Variants in SPINK13 observed in about 807,000 individuals in gnomAD.
SPINK13 encodes serine peptidase inhibitor Kazal type 13, also known as serine protease inhibitor Kazal-type 13.
SPINK13 carries 11 observed loss-of-function variants against 11.0 expected under a neutral mutation model. The observed-to-expected ratio is 1.00, with a 90% CI of 0.63 to 1.65. The LOEUF is 1.65. Among genes scored for constraint, SPINK13 ranks in the 40% most tolerant of loss-of-function variants. SPINK13 has a pLI of 0.00. For synonymous variants in SPINK13, 31 were observed against 35.6 expected (o/e 0.87, Z 0.46); for missense variants, 113 against 117.7 (o/e 0.96, Z 0.19).
intron 3 of SPINK13, among the ~76,000 whole-genome samples, chr5:148,274,697 A>T (rs1756399163): frequency 6.6e-6 from 1 of 152,148 alleles, no homozygotes; most frequent in African/African-American, 2.4e-5. Flanking sequence ...GTGAGCCATA[A>T]TGGCACTACT....
At chr5:148,281,119 C>T (rs994070859) in intron 3 of SPINK13, among the ~76,000 whole-genome samples, 11 of 152,262 alleles carry the variant, frequency 7.2e-5, no homozygotes, top group Admixed American at 2.0e-4. Context: ...TCAGTAATGG[C>T]GGACGCCCCT....
intron 4 of SPINK13, among the ~76,000 whole-genome samples, chr5:148,283,399 C>T (rs1023027835): frequency 2.0e-5 from 3 of 152,298 alleles, no homozygotes; most frequent in South Asian, 4.1e-4. Flanking sequence ...TACAAACATA[C>T]CCTATTGCAC....
chr5:148,269,630 C>T (rs371032900), intron 1 of SPINK13, among the ~76,000 whole-genome samples: 1 of 152,158 alleles, frequency 6.6e-6, no homozygotes, highest in Non-Finnish European at 1.5e-5. Context: ...TCAGTTTACA[C>T]CTGTTACCTC....
chr5:148,269,143 T>C (rs1420921736), intron 1 of SPINK13: 1 of 152,192 alleles, frequency 6.6e-6, no homozygotes, highest in African/African-American at 2.4e-5. Context: ...ACGGGGAAGG[T>C]ATCTTCTCCC....
intron 3 of SPINK13, among the ~76,000 whole-genome samples, chr5:148,280,782 A>G (rs1238610713): frequency 6.6e-6 from 1 of 152,224 alleles, no homozygotes; most frequent in Non-Finnish European, 1.5e-5. Context: ...TTGAGGAGGC[A>G]GTCTATCCCT....
chr5:148,280,666 G>T (rs537962055), intron 3 of SPINK13, among the ~76,000 whole-genome samples: 1 of 152,310 alleles, frequency 6.6e-6, no homozygotes, highest in African/African-American at 2.4e-5. Flanking sequence ...CTTTGTCCCA[G>T]AGCGGCACCT....
Position 148,276,282 on chromosome 5 carries a change from G to A in SPINK13, c.108+1898G>A, listed in dbSNP as rs947242694. Among the ~76,000 whole-genome samples the A allele has an allele frequency of 8.5e-5, 13 of 152,190 alleles. No individual in the cohort carries two copies. The East Asian group carries it at 2.5e-3, about 29-fold the overall frequency. ...TGATGATAGTTTATTTTGCTGTGCA[G>A]AAGCTCTTTAGTTTAATCAGATCCC... is the stretch of plus-strand genomic sequence containing the variant. On this transcript the variant is annotated intron_variant, in intron 3 of 4. Coordinates refer to ENST00000398450, the MANE Select transcript of SPINK13 (RefSeq NM_001040129.3).
chr5:148,275,910 C>T (rs967101121), intron 3 of SPINK13, among the ~76,000 whole-genome samples: 66 of 152,098 alleles, frequency 4.3e-4, no homozygotes, highest in African/African-American at 1.6e-3. Context: ...GTCTGCCCGC[C>T]TCCGCCTCCC....
At chr5:148,282,691 T>C (rs1561753360) in intron 4 of SPINK13, among the ~76,000 whole-genome samples, 1 of 152,330 alleles carries the variant, frequency 6.6e-6, no homozygotes, top group East Asian at 1.9e-4. Flanking sequence ...CAGGTATAGA[T>C]ACACACACGA....
intron 4 of SPINK13, 98 bp from the exon 5 acceptor site, chr5:148,285,902 C>A (rs1305888693): frequency 6.2e-6 from 4 of 643,854 alleles, no homozygotes; most frequent in African/African-American, 5.9e-5. Context: ...AAGCAGCTCC[C>A]TTTTCAGGAC....
chr5:148,271,638 T>TTTTTG (rs1166386502), intron 2 of SPINK13, among the ~76,000 whole-genome samples: 4 of 152,130 alleles, frequency 2.6e-5, no homozygotes, highest in Admixed American at 1.3e-4. Context: ...CATAAAGGAC[T>TTTTTG]TTTTGTTTTG....
chr5:148,278,464 G>A (rs1756464498), intron 3 of SPINK13, among the ~76,000 whole-genome samples: 1 of 152,152 alleles, frequency 6.6e-6, no homozygotes, highest in Admixed American at 6.5e-5. Context: ...ATTCTGTTAT[G>A]TTGTGTCTTT....
chr5:148,281,332 G>GAA (rs149192775), intron 3 of SPINK13, among the ~76,000 whole-genome samples: 145 of 149,504 alleles, frequency 9.7e-4, no homozygotes, highest in African/African-American at 3.5e-3. Context: ...CCTGGGGTAT[G>GAA]AAAAAAAAAA....
intron 3 of SPINK13, among the ~76,000 whole-genome samples, chr5:148,278,167 C>T (rs546898697): frequency 1.1e-3 from 163 of 151,586 alleles, no homozygotes; most frequent in Non-Finnish European, 1.5e-3. Flanking sequence ...TCCCTCTTTT[C>T]TTCTTAGTCT....
In SPINK13 at chr5:148,270,046, T is replaced by G. The variant is rs762344709; in HGVS notation, c.-27T>G. 1 of 1,612,150 alleles carries G rather than the reference T, an allele frequency of 6.2e-7. No individual in the cohort carries two copies. Among genetic ancestry groups the G allele is most frequent in the Non-Finnish European group, 8.5e-7 (1 of 1,178,544 alleles). Reference sequence around the variant, plus strand: ...ATCTTGGGCATGTTCACAGGCCTTATCAAAGAAGAGTCTTATATGAGATCA... The same window carrying G: ...ATCTTGGGCATGTTCACAGGCCTTAGCAAAGAAGAGTCTTATATGAGATCA... On this transcript the variant is annotated 5_prime_UTR_variant, in exon 2 of 5. Transcript: ENST00000398450.
chr5:148,285,545 T>C (rs1307655686), intron 4 of SPINK13, among the ~76,000 whole-genome samples: 1 of 152,118 alleles, frequency 6.6e-6, no homozygotes, highest in African/African-American at 2.4e-5. Flanking sequence ...TGGAAAATAA[T>C]GCAGAGGCTA....
chr5:148,270,446 G>A (rs539552925), intron 2 of SPINK13, among the ~76,000 whole-genome samples: 1 of 152,142 alleles, frequency 6.6e-6, no homozygotes, highest in East Asian at 1.9e-4. Flanking sequence ...TAGAAAAAAT[G>A]ATGCATTTTC....
At chr5:148,283,790 T>C (rs983177917) in intron 4 of SPINK13, among the ~76,000 whole-genome samples, 2 of 152,206 alleles carry the variant, frequency 1.3e-5, no homozygotes, top group Non-Finnish European at 2.9e-5. Flanking sequence ...TTCCATGTAA[T>C]ATTTCTGTTA....
chr5:148,273,274 A>C (rs1023325704), intron 2 of SPINK13, among the ~76,000 whole-genome samples: 1 of 150,264 alleles, frequency 6.7e-6, no homozygotes, highest in Non-Finnish European at 1.5e-5. Flanking sequence ...TTTGCCAGGA[A>C]GTTGTTTTCA....
Sources: gnomAD v4.1 joint callset for allele counts (sites outside exome capture counted in the v4.1 genomes callset) on GRCh38, gnomAD v4.1.1 for gene constraint, MANE v1.5 for transcripts, NCBI Gene and HGNC (gene_info 2026-07-23, HGNC 2026-07-21) for gene names.